Variants in CNTNAP2 observed in about 807,000 individuals in gnomAD.
CNTNAP2 encodes the protein contactin associated protein 2.
In CNTNAP2, 98 loss-of-function variants were observed where a neutral mutation model predicts 155.2. That is an observed-to-expected ratio of 0.63 (90% CI 0.54 to 0.75). The LOEUF (loss-of-function observed/expected upper bound fraction) is 0.75. Ranked by LOEUF, CNTNAP2 falls within the 30% of genes least tolerant of loss-of-function variation. CNTNAP2 has a pLI of 0.00. For synonymous variants in CNTNAP2, 651 were observed against 631.2 expected (o/e 1.03, Z -0.47); for missense variants, 1,727 against 1,688.1 (o/e 1.02, Z -0.40).
rs537506369 is a variant in CNTNAP2, at chr7:147,761,659, A to C, written c.2098+122353A>C. The stretch of plus-strand genomic sequence containing the variant: ...ATATAACTTCATGGGGAATATATAA[A>C]TAATAATAGCACCATAAGTTATATC... On this transcript the variant is annotated intron_variant, in intron 13 of 23. Coordinates refer to ENST00000361727, the MANE Select transcript of CNTNAP2 (RefSeq NM_014141.6). Among the ~76,000 whole-genome samples, 262 of 152,318 alleles carry C rather than the reference A, an allele frequency of 1.7e-3. 2 individuals carry two copies. Among genetic ancestry groups the C allele is most frequent in the African/African-American group, 6.0e-3 (249 of 41,566 alleles).
chr7:147,591,301 G>A (rs1800729948), intron 12 of CNTNAP2, among the ~76,000 whole-genome samples: 1 of 151,974 alleles, frequency 6.6e-6, no homozygotes, highest in Non-Finnish European at 1.5e-5. Flanking sequence ...TTATTTTTTT[G>A]TCTGTGGCCT....
chr7:146,151,664 A>G (rs867134723), intron 1 of CNTNAP2, among the ~76,000 whole-genome samples: 1,219 of 48,194 alleles, frequency 0.025, 65 homozygotes, highest in African/African-American at 0.073. Context: ...ATATATATAT[A>G]TATATATATA....
chr7:146,168,246 A>G (rs1002706874), intron 1 of CNTNAP2, among the ~76,000 whole-genome samples: 21 of 152,124 alleles, frequency 1.4e-4, no homozygotes, highest in African/African-American at 4.6e-4. Flanking sequence ...TTGACACTCA[A>G]TATTAACCAT....
At chr7:147,685,018 G>T (rs1375677694) in intron 13 of CNTNAP2, among the ~76,000 whole-genome samples, 5 of 151,814 alleles carry the variant, frequency 3.3e-5, no homozygotes, top group Non-Finnish European at 7.4e-5. Context: ...TGACATAAGA[G>T]AATCTGAAGT....
At chr7:146,234,864 G>C (rs1799445682) in intron 1 of CNTNAP2, among the ~76,000 whole-genome samples, 1 of 152,174 alleles carries the variant, frequency 6.6e-6, no homozygotes, top group Non-Finnish European at 1.5e-5. Context: ...GAGCATTTTA[G>C]CATATGAGTT....
chr7:146,658,576 C>T (rs1418234917), intron 1 of CNTNAP2, among the ~76,000 whole-genome samples: 2 of 151,990 alleles, frequency 1.3e-5, no homozygotes, highest in South Asian at 2.1e-4. Context: ...AAAGATGAAA[C>T]ATTTGGAATT....
At chr7:147,081,373 A>G (rs1800121676) in intron 4 of CNTNAP2, 1 of 151,770 alleles carries the variant, frequency 6.6e-6, no homozygotes, top group Non-Finnish European at 1.5e-5. Flanking sequence ...GCCAAAACCA[A>G]AACTGGCAAT....
At chr7:146,944,404 C>A (rs1797115914) in intron 3 of CNTNAP2, among the ~76,000 whole-genome samples, 1 of 151,716 alleles carries the variant, frequency 6.6e-6, no homozygotes, top group African/African-American at 2.4e-5. Flanking sequence ...TATATTGAAT[C>A]TTAATTCTGT....
intron 3 of CNTNAP2, among the ~76,000 whole-genome samples, chr7:146,946,407 T>C (rs1797174695): frequency 6.6e-6 from 1 of 152,188 alleles, no homozygotes; most frequent in African/African-American, 2.4e-5. Context: ...GTATTTATAG[T>C]TATAGGATTG....
chr7:147,992,633 A>G (rs1320836191), intron 15 of CNTNAP2, among the ~76,000 whole-genome samples: 3 of 152,254 alleles, frequency 2.0e-5, no homozygotes, highest in Non-Finnish European at 2.9e-5. Context: ...AATATCTTCA[A>G]GCTAACCTAT....
intron 1 of CNTNAP2, among the ~76,000 whole-genome samples, chr7:146,768,616 C>G (rs113406995): frequency 1.7e-4 from 26 of 151,820 alleles, no homozygotes; most frequent in African/African-American, 6.3e-4. Context: ...TGAATGTACA[C>G]GTAAGACCAC....
At chr7:148,054,479 C>T (rs1174757653) in intron 15 of CNTNAP2, among the ~76,000 whole-genome samples, 3 of 106,830 alleles carry the variant, frequency 2.8e-5, no homozygotes, top group Middle Eastern at 0.01. Flanking sequence ...TTTTACAGAG[C>T]TGGATAATAA....
intron 8 of CNTNAP2, among the ~76,000 whole-genome samples, chr7:147,237,176 G>A (rs985267818): frequency 2.1e-5 from 3 of 146,056 alleles, no homozygotes; most frequent in Admixed American, 7.1e-5. Context: ...AGCAATTCTC[G>A]TGCCTCAGCC....
At chr7:147,344,495 T>A (rs535703902) in intron 9 of CNTNAP2, among the ~76,000 whole-genome samples, 1 of 152,188 alleles carries the variant, frequency 6.6e-6, no homozygotes, top group African/African-American at 2.4e-5. Flanking sequence ...GCTATTGTTA[T>A]TGCTAGTCTT....
intron 13 of CNTNAP2, among the ~76,000 whole-genome samples, chr7:147,736,003 G>C (rs368339892): frequency 0.018 from 2,070 of 117,408 alleles, 45 homozygotes; most frequent in Middle Eastern, 0.047. Context: ...CTTTTAATTG[G>C]AGCATTAGCC....
chr7:146,580,261 G>C (rs990791718), intron 1 of CNTNAP2, among the ~76,000 whole-genome samples: 3 of 152,086 alleles, frequency 2.0e-5, no homozygotes, highest in Non-Finnish European at 2.9e-5. Flanking sequence ...TTTGTTGAAA[G>C]TAACATGCGT....
At chr7:147,858,006 A>G (rs1799069407) in intron 13 of CNTNAP2, among the ~76,000 whole-genome samples, 1 of 152,194 alleles carries the variant, frequency 6.6e-6, no homozygotes, top group Admixed American at 6.5e-5. Flanking sequence ...TCAGCTTTGC[A>G]CTCATTTCAG....
intron 8 of CNTNAP2, among the ~76,000 whole-genome samples, chr7:147,244,392 A>T (rs7809973): frequency 0.023 from 3,483 of 152,296 alleles, 134 homozygotes; most frequent in African/African-American, 0.08. Flanking sequence ...ATGTTAAAAA[A>T]ATATATATTA....
intron 4 of CNTNAP2, among the ~76,000 whole-genome samples, chr7:147,052,401 C>A (rs1036789577): frequency 5.3e-5 from 8 of 151,982 alleles, no homozygotes; most frequent in Admixed American, 3.9e-4. Context: ...ATGATACAGG[C>A]GTAATTTATT....
Sources: gnomAD v4.1 joint callset for allele counts (sites outside exome capture counted in the v4.1 genomes callset) on GRCh38, gnomAD v4.1.1 for gene constraint, MANE v1.5 for transcripts, NCBI Gene and HGNC (gene_info 2026-07-23, HGNC 2026-07-21) for gene names.